FBN1: variants seen among roughly 807,000 people sequenced by gnomAD.
FBN1 encodes fibrillin-1.
FBN1 carries 29 observed loss-of-function variants against 365.1 expected under a neutral mutation model. That is an observed-to-expected ratio of 0.08 (90% CI 0.06 to 0.11). The LOEUF is 0.11. FBN1 is among the 10% of genes least tolerant of loss of function. FBN1 has a pLI of 1.00. For synonymous variants in FBN1, 1,210 were observed against 1,270.5 expected (o/e 0.95, Z 1.01); for missense variants, 2,476 against 3,703.2 (o/e 0.67, Z 8.60).
chr15:48,528,647 C>CTTT (rs2043938559), intron 8 of FBN1, among the ~76,000 whole-genome samples: 1 of 152,110 alleles, frequency 6.6e-6, no homozygotes, highest in Admixed American at 6.5e-5. Flanking sequence ...AGGTACATGC[C>CTTT]TTTGAAAGCC....
chr15:48,520,968 G>GTT, intron 9 of FBN1, 151 bp from the exon 10 acceptor site: 1 of 1,047,056 alleles, frequency 9.6e-7, no homozygotes, highest in Non-Finnish European at 1.4e-6. Flanking sequence ...TGCGAGCGCT[G>GTT]CACAGGAACA....
At position 48,410,831 on chromosome 15, in the gene FBN1, C is replaced by G. The variant is rs1408528695; in HGVS notation, c.*159G>C. The stretch of plus-strand genomic sequence containing the variant: ...GGTTGTTTTGAACTAGGGTAGTCAC[C>G]TGTACCTTGCTTTGGTAATACAAAG... On this transcript the variant is annotated 3_prime_UTR_variant, in exon 66 of 66. Coordinates refer to ENST00000316623, the MANE Select transcript of FBN1 (RefSeq NM_000138.5). The G allele has an allele frequency of 2.8e-6, 2 of 726,822 alleles. No individual in the cohort carries two copies. Among genetic ancestry groups the G allele is most frequent in the Non-Finnish European group, 4.5e-6 (2 of 448,150 alleles). 45.0% of individuals were successfully genotyped at this position (726,822 alleles called of 1,614,324 possible).
intron 6 of FBN1, among the ~76,000 whole-genome samples, chr15:48,553,837 C>T (rs148486704): frequency 2.0e-5 from 3 of 152,172 alleles, no homozygotes; most frequent in Non-Finnish European, 4.4e-5. Context: ...AAGATGAGCA[C>T]TGGAATCTCC....
At chr15:48,540,166 T>G (rs2044047128) in intron 6 of FBN1, among the ~76,000 whole-genome samples, 1 of 152,230 alleles carries the variant, frequency 6.6e-6, no homozygotes, top group South Asian at 2.1e-4. Flanking sequence ...AATACATCTT[T>G]GCTGTTTGGT....
At chr15:48,543,390 A>G (rs1008673101) in intron 6 of FBN1, among the ~76,000 whole-genome samples, 3 of 151,950 alleles carry the variant, frequency 2.0e-5, no homozygotes, top group African/African-American at 7.3e-5. Context: ...CCAAAAGTCA[A>G]CTCTTGATTC....
intron 6 of FBN1, among the ~76,000 whole-genome samples, chr15:48,572,666 C>T (rs979646197): frequency 1.3e-5 from 2 of 152,022 alleles, no homozygotes; most frequent in African/African-American, 2.4e-5. Flanking sequence ...CAAATGGCCA[C>T]GAAATCATAC....
intron 6 of FBN1, among the ~76,000 whole-genome samples, chr15:48,561,135 T>C (rs1566927353): frequency 6.6e-6 from 1 of 152,126 alleles, no homozygotes; most frequent in Non-Finnish European, 1.5e-5. Flanking sequence ...GGCTTTAAAA[T>C]AATGAGTATA....
At chr15:48,492,129 G>A (rs1292347037) in intron 24 of FBN1, among the ~76,000 whole-genome samples, 1 of 152,158 alleles carries the variant, frequency 6.6e-6, no homozygotes, top group Non-Finnish European at 1.5e-5. Flanking sequence ...GAAGACATGG[G>A]CTACAGTTTC....
At chr15:48,623,995 A>T (rs1186915428) in intron 2 of FBN1, among the ~76,000 whole-genome samples, 1 of 150,252 alleles carries the variant, frequency 6.7e-6, no homozygotes, top group East Asian at 2.0e-4. Context: ...ACACACACAC[A>T]CGCACAGCCT....
Position 48,489,976 on chromosome 15 carries a change from G to A in FBN1, c.2957C>T (p.Ala986Val), listed in dbSNP as rs1490859586. The A allele has an allele frequency of 5.0e-6, 8 of 1,613,986 alleles. No homozygotes were observed. Among genetic ancestry groups the A allele is most frequent in the Non-Finnish European group, 5.1e-6 (6 of 1,180,034 alleles). ...RMDACCCSVG[A>V]AWGTEECEEC... ...CTCGCATTCCTCAGTACCCCAGGCT[G>A]CCCCGACGGAGCAGCAGCAGGCGTC... The change falls in exon 25 of 66, where the codon GCA becomes GTA. Residue 986 changes from alanine (A) to valine (V), a missense_variant. This residue lies in a region of FBN1 where 1,780 missense variants were observed against 2,840.8 expected (regional missense o/e 0.63). Coordinates refer to ENST00000316623, the MANE Select transcript of FBN1 (RefSeq NM_000138.5).
intron 60 of FBN1, among the ~76,000 whole-genome samples, chr15:48,424,735 T>C (rs1384871832): frequency 6.6e-6 from 1 of 152,216 alleles, no homozygotes; most frequent in Non-Finnish European, 1.5e-5. Context: ...TCACTAAATA[T>C]AATGTTCTTA....
At chr15:48,530,178 C>T (rs1359949029) in intron 8 of FBN1, among the ~76,000 whole-genome samples, 1 of 139,722 alleles carries the variant, frequency 7.2e-6, no homozygotes, top group Non-Finnish European at 1.6e-5. Flanking sequence ...GCTGCATCCG[C>T]CGCCTCATCA....
intron 42 of FBN1, among the ~76,000 whole-genome samples, chr15:48,460,779 T>C (rs917485832): frequency 6.6e-6 from 1 of 152,156 alleles, no homozygotes; most frequent in African/African-American, 2.4e-5. Flanking sequence ...AATGACTAAT[T>C]TGGGTCAATC....
At chr15:48,483,689 T>C in intron 31 of FBN1, 129 bp downstream of exon 31, 1 of 1,015,200 alleles carries the variant, frequency 9.9e-7, no homozygotes, top group Non-Finnish European at 1.5e-6. Flanking sequence ...AAAATATGAG[T>C]ATTGTGCCTC....
intron 41 of FBN1, 140 bp from the exon 42 acceptor site, chr15:48,463,380 T>A: frequency 1.2e-6 from 1 of 855,812 alleles, no homozygotes. Flanking sequence ...CACAAAAAAC[T>A]TGCTCTTACA....
intron 6 of FBN1, among the ~76,000 whole-genome samples, chr15:48,591,797 T>A (rs1266460866): frequency 6.6e-6 from 1 of 151,974 alleles, no homozygotes; most frequent in Non-Finnish European, 1.5e-5. Context: ...AGTGGCCCCT[T>A]TCCAGTGAGG....
intron 5 of FBN1, among the ~76,000 whole-genome samples, chr15:48,599,382 C>T (rs1406042589): frequency 6.6e-6 from 1 of 151,798 alleles, no homozygotes; most frequent in East Asian, 1.9e-4. Context: ...AAAAGTGGTA[C>T]AAAAACTATA....
chr15:48,465,245 T>C (rs2043310975), intron 40 of FBN1, among the ~76,000 whole-genome samples: 1 of 152,168 alleles, frequency 6.6e-6, no homozygotes, highest in African/African-American at 2.4e-5. Flanking sequence ...AACACTGAAA[T>C]TGGACCTGTG....
chr15:48,518,263 T>C (rs1566917448), intron 10 of FBN1, among the ~76,000 whole-genome samples: 2 of 152,218 alleles, frequency 1.3e-5, no homozygotes. Flanking sequence ...CCTGGGAACC[T>C]GCTCTCACCA....
Sources: gnomAD v4.1 joint callset for allele counts (sites outside exome capture counted in the v4.1 genomes callset) on GRCh38, gnomAD v4.1.1 for gene constraint, gnomAD v4.1.1 regional missense constraint, MANE v1.5 for transcripts, NCBI Gene and HGNC (gene_info 2026-07-23, HGNC 2026-07-21) for gene names.